Variants in UBR3 observed in about 807,000 individuals in gnomAD.
UBR3 encodes the protein E3 ubiquitin-protein ligase UBR3.
Under a neutral mutation model 243.2 loss-of-function variants are expected in UBR3, and 85 were observed. The ratio of observed to expected loss-of-function variants is 0.35; its 90% CI spans 0.29 to 0.42. The LOEUF (loss-of-function observed/expected upper bound fraction) is 0.42. Ranked by LOEUF, UBR3 falls within the 10% of genes least tolerant of loss-of-function variation. The pLI, the probability that UBR3 is intolerant of heterozygous loss-of-function variation, is 1.00. For missense variants in UBR3, 1,686 were observed against 2,300.8 expected (o/e 0.73, Z 5.47); for synonymous variants, 748 against 799.8 (o/e 0.94, Z 1.09).
chr2:170,035,349 A>T (rs2090794759), intron 31 of UBR3, among the ~76,000 whole-genome samples: 1 of 152,016 alleles, frequency 6.6e-6, no homozygotes, highest in African/African-American at 2.4e-5. Flanking sequence ...TGAAGGGCAT[A>T]GGTCTTTGTC....
chr2:169,876,205 C>T (rs1050250034), intron 3 of UBR3, among the ~76,000 whole-genome samples: 19 of 151,482 alleles, frequency 1.3e-4, no homozygotes, highest in African/African-American at 3.9e-4. Context: ...CTCAGCCTCC[C>T]GAGTAGCTGG....
chr2:170,016,074 T>C (rs1306027398), intron 30 of UBR3, among the ~76,000 whole-genome samples: 5 of 149,756 alleles, frequency 3.3e-5, no homozygotes, highest in African/African-American at 1.2e-4. Context: ...ATAAAACTTG[T>C]TTAAAACACA....
chr2:170,065,166 T>G (rs2091535242), intron 35 of UBR3, among the ~76,000 whole-genome samples: 1 of 152,152 alleles, frequency 6.6e-6, no homozygotes, highest in Non-Finnish European at 1.5e-5. Flanking sequence ...TATATACATT[T>G]TTTAATCTGT....
At chr2:169,881,324 C>A (rs573163609) in intron 5 of UBR3, among the ~76,000 whole-genome samples, 86 of 151,980 alleles carry the variant, frequency 5.7e-4, no homozygotes, top group Non-Finnish European at 8.4e-4. Context: ...GGATTACAGG[C>A]ATGCACTACC....
At chr2:169,968,875 G>A (rs939611430) in intron 24 of UBR3, among the ~76,000 whole-genome samples, 6 of 152,090 alleles carry the variant, frequency 3.9e-5, no homozygotes, top group East Asian at 1.9e-4. Context: ...TTTGATAATA[G>A]CTATTTTAAC....
chr2:169,881,881 A>G (rs1429134017), intron 5 of UBR3, among the ~76,000 whole-genome samples: 1 of 133,356 alleles, frequency 7.5e-6, no homozygotes, highest in African/African-American at 2.8e-5. Context: ...ACATATAGGT[A>G]TATGTGTACA....
intron 10 of UBR3, among the ~76,000 whole-genome samples, chr2:169,912,108 C>A (rs2085275171): frequency 6.6e-6 from 1 of 152,082 alleles, no homozygotes. Context: ...TTTAAAAAGG[C>A]ATATTTATAT....
intron 1 of UBR3, among the ~76,000 whole-genome samples, chr2:169,848,457 G>A (rs562653252): frequency 3.9e-4 from 59 of 149,948 alleles, no homozygotes; most frequent in African/African-American, 1.0e-3. Flanking sequence ...ACTTAATTAC[G>A]CACATATTTA....
intron 29 of UBR3, among the ~76,000 whole-genome samples, chr2:170,011,734 G>GA (rs1284918340): frequency 6.6e-6 from 1 of 151,414 alleles, no homozygotes; most frequent in Non-Finnish European, 1.5e-5. Flanking sequence ...GAAACTGTTG[G>GA]AAAATCCATT....
chr2:170,075,183 T>G (rs2091779744), intron 36 of UBR3, among the ~76,000 whole-genome samples: 1 of 151,452 alleles, frequency 6.6e-6, no homozygotes, highest in Non-Finnish European at 1.5e-5. Context: ...AGATGCTATC[T>G]CATTTTATAC....
intron 3 of UBR3, 26 bp downstream of exon 3, chr2:169,875,975 A>G: frequency 6.9e-7 from 1 of 1,455,858 alleles, no homozygotes; most frequent in Non-Finnish European, 9.1e-7. Context: ...GAAGAAATTT[A>G]TAGTTTTCAT....
intron 35 of UBR3, among the ~76,000 whole-genome samples, chr2:170,064,632 G>A (rs911544618): frequency 1.1e-4 from 17 of 151,434 alleles, no homozygotes; most frequent in African/African-American, 3.9e-4. Context: ...TAACTTTTTT[G>A]GACTGATTTT....
At chr2:169,926,995 T>G in intron 16 of UBR3, 24 bp downstream of exon 16, 1 of 1,538,336 alleles carries the variant, frequency 6.5e-7, no homozygotes, top group Non-Finnish European at 8.8e-7. Flanking sequence ...ATACTAATAC[T>G]TATGCATTAA....
At chr2:169,891,607 G>GACAC (rs778865332) in intron 6 of UBR3, among the ~76,000 whole-genome samples, 1,241 of 38,688 alleles carry the variant, frequency 0.032, 6 homozygotes, top group South Asian at 0.083. Context: ...GTGAGAGAGA[G>GACAC]ACAGAGACAC....
chr2:170,057,503 G>C (rs1466401), intron 33 of UBR3, among the ~76,000 whole-genome samples: 148,789 of 152,322 alleles, frequency 0.98, 72,758 homozygotes, highest in East Asian at 1. Context: ...GTATTCAAAT[G>C]AGGTATATTA....
chr2:169,989,849 T>G (rs2089196587), intron 25 of UBR3, among the ~76,000 whole-genome samples: 1 of 152,196 alleles, frequency 6.6e-6, no homozygotes, highest in Admixed American at 6.5e-5. Context: ...CTCGTGTTCT[T>G]CCATCTTTGT....
chr2:169,977,035 C>T (rs1484637629), intron 24 of UBR3, among the ~76,000 whole-genome samples: 1 of 151,772 alleles, frequency 6.6e-6, no homozygotes, highest in East Asian at 1.9e-4. Context: ...ATTTATTCAG[C>T]TGTTTGTTTG....
chr2:169,927,443 A>T, intron 17 of UBR3, 38 bp downstream of exon 17: 3 of 1,393,836 alleles, frequency 2.2e-6, no homozygotes, highest in Non-Finnish European at 2.9e-6. Context: ...TAGTTGCAGG[A>T]TCTAAAATAA....
At chr2:169,980,514 A>C (rs906705590) in intron 24 of UBR3, among the ~76,000 whole-genome samples, 2 of 152,178 alleles carry the variant, frequency 1.3e-5, no homozygotes, top group South Asian at 4.1e-4. Context: ...CTGCTAAGGA[A>C]ACTTATCTGT....
Sources: allele counts gnomAD v4.1 joint callset (sites outside exome capture counted in the v4.1 genomes callset), GRCh38; gene constraint gnomAD v4.1.1; transcripts MANE v1.5; gene names NCBI Gene and HGNC (gene_info 2026-07-23, HGNC 2026-07-21).